The following MYT1L variants were observed in gnomAD, a reference collection of about 807,000 sequenced individuals.
MYT1L encodes the protein myelin transcription factor 1-like protein.
MYT1L carries 12 observed loss-of-function variants against 126.7 expected under a neutral mutation model. That is an observed-to-expected ratio of 0.09 (90% CI 0.06 to 0.15). The LOEUF (loss-of-function observed/expected upper bound fraction) is 0.15. MYT1L is among the 10% of genes least tolerant of loss of function. The probability of loss-of-function intolerance (pLI) is 1.00; values close to 1 mark genes in which losing one functional copy is unlikely to be tolerated. For synonymous variants in MYT1L, 541 were observed against 604.2 expected (o/e 0.90, Z 1.53); for missense variants, 979 against 1,585.2 (o/e 0.62, Z 6.49).
At chr2:1,859,593 A>G (rs2044319215) in intron 18 of MYT1L, among the ~76,000 whole-genome samples, 1 of 152,224 alleles carries the variant, frequency 6.6e-6, no homozygotes, top group Non-Finnish European at 1.5e-5. Context: ...TATTAGTTGT[A>G]TGATGCCCAA....
intron 3 of MYT1L, among the ~76,000 whole-genome samples, chr2:2,079,769 G>A (rs999145196): frequency 2.6e-5 from 4 of 151,242 alleles, no homozygotes; most frequent in Non-Finnish European, 4.4e-5. Flanking sequence ...CCGAGATTGC[G>A]CCACTGCACT....
At chr2:2,276,977 T>TG in intron 2 of MYT1L, among the ~76,000 whole-genome samples, 1 of 151,500 alleles carries the variant, frequency 6.6e-6, no homozygotes, top group East Asian at 2.0e-4. Flanking sequence ...ATTGATTCTT[T>TG]TTTTTTCTCT....
chr2:2,217,685 C>CAAAAAAAAAAAAAAAAAAAAAAAAAAA, intron 2 of MYT1L, among the ~76,000 whole-genome samples: 1 of 79,634 alleles, frequency 1.3e-5, no homozygotes, highest in Admixed American at 1.1e-4. Flanking sequence ...ACAACAACAA[C>CAAAAAAAAAAAAAAAAAAAAAAAAAAA]AACAACAACA....
At chr2:2,026,684 G>A (rs1023063210) in intron 4 of MYT1L, among the ~76,000 whole-genome samples, 38 of 152,224 alleles carry the variant, frequency 2.5e-4, no homozygotes, top group Admixed American at 2.3e-3. Flanking sequence ...GCCTCTGCCT[G>A]CCTCCCCGAG....
chr2:2,118,539 C>T (rs2080526839), intron 3 of MYT1L, among the ~76,000 whole-genome samples: 1 of 152,110 alleles, frequency 6.6e-6, no homozygotes, highest in Non-Finnish European at 1.5e-5. Flanking sequence ...ACAAGGATGC[C>T]TGTTACAAAC....
At chr2:2,197,091 A>G (rs1350231339) in intron 2 of MYT1L, among the ~76,000 whole-genome samples, 1 of 152,182 alleles carries the variant, frequency 6.6e-6, no homozygotes, top group Non-Finnish European at 1.5e-5. Context: ...GCTATTATGA[A>G]TTTTTGAATG....
chr2:1,866,209 T>C (rs1395048176), intron 18 of MYT1L, among the ~76,000 whole-genome samples: 1 of 152,094 alleles, frequency 6.6e-6, no homozygotes, highest in Non-Finnish European at 1.5e-5. Flanking sequence ...AGGGGATCTT[T>C]TTTATAAAAA....
At chr2:2,047,744 A>C (rs777296882) in intron 4 of MYT1L, among the ~76,000 whole-genome samples, 5 of 152,236 alleles carry the variant, frequency 3.3e-5, no homozygotes, top group Non-Finnish European at 7.3e-5. Flanking sequence ...TTTAAATAGG[A>C]TATGCTTCTC....
intron 3 of MYT1L, among the ~76,000 whole-genome samples, chr2:2,133,684 G>A (rs918037508): frequency 1.1e-4 from 16 of 152,046 alleles, no homozygotes; most frequent in Admixed American, 7.2e-4. Context: ...GCTGCTTTCT[G>A]AATGGTCCCT....
At chr2:1,799,110 A>G (rs2034355046) in intron 23 of MYT1L, among the ~76,000 whole-genome samples, 1 of 152,190 alleles carries the variant, frequency 6.6e-6, no homozygotes, top group African/African-American at 2.4e-5. Flanking sequence ...AGGAAGGTCC[A>G]TCCCTGGGCA....
intron 8 of MYT1L, among the ~76,000 whole-genome samples, chr2:1,961,515 C>T (rs1431025483): frequency 1.3e-5 from 2 of 152,192 alleles, no homozygotes; most frequent in Non-Finnish European, 2.9e-5. Context: ...CTGACAGCAC[C>T]TTTGCCTGGC....
chr2:1,918,961 A>C (rs2053208430), intron 10 of MYT1L, among the ~76,000 whole-genome samples: 1 of 152,234 alleles, frequency 6.6e-6, no homozygotes, highest in Admixed American at 6.5e-5. Flanking sequence ...ATAAAGTAGT[A>C]AGTGCACAGT....
At chr2:2,323,455 T>C (rs2096203978) in intron 1 of MYT1L, among the ~76,000 whole-genome samples, 1 of 152,184 alleles carries the variant, frequency 6.6e-6, no homozygotes, top group Non-Finnish European at 1.5e-5. Flanking sequence ...TTAGGTCAGT[T>C]AAAATGAAAA....
rs115007333 is a variant in MYT1L, at chr2:1,822,486, C to T, written c.3081-13319G>A. Among the ~76,000 whole-genome samples, 1,282 of 152,282 alleles carry T rather than the reference C, an allele frequency of 8.4e-3. 27 individuals are homozygous for T. The highest frequency in any genetic ancestry group is 0.029 in the African/African-American group (1,225 of 41,552). ...GTGTGTCCACTGTCAGCCCCTCTTC[C>T]CCAGGGATGCTCCTGCGTGCTCAGC... On this transcript the variant is annotated intron_variant, in intron 21 of 24. Transcript: ENST00000647738.
chr2:1,906,075 C>T (rs574131545), intron 13 of MYT1L, among the ~76,000 whole-genome samples: 1 of 152,168 alleles, frequency 6.6e-6, no homozygotes, highest in African/African-American at 2.4e-5. Context: ...TTATATTTTG[C>T]TTTTTTATGA....
chr2:1,943,170 T>C lies in MYT1L; in HGVS notation c.317A>G (p.Glu106Gly), dbSNP rs1411503507. The change falls in exon 9 of 25, where the codon GAG becomes GGG. Residue 106 changes from glutamate to glycine, a missense_variant. Glu to Gly is a moderately conservative substitution (Grantham distance 98, BLOSUM62 -2). This residue lies in a region of MYT1L where 111 missense variants were observed against 115.9 expected (regional missense o/e 0.96). Coordinates refer to ENST00000647738, the MANE Select transcript of MYT1L (RefSeq NM_001303052.2). The surrounding 1 kb of genome is among the most constrained non-coding windows in gnomAD (Gnocchi z 4.4). ...TEDMDEKEED[E>G]GEEYSEDNDE... ...ATTGTCCTCGGAGTACTCCTCCCCCTCATCCTCCTCCTTCTCATCCATGTC... is the reference window on the plus strand; with the variant it reads ...ATTGTCCTCGGAGTACTCCTCCCCCCCATCCTCCTCCTTCTCATCCATGTC... The C allele has an allele frequency of 6.5e-7, 1 of 1,547,930 alleles. No individual in the cohort carries two copies. The highest frequency in any genetic ancestry group is 2.0e-5 in the Admixed American group (1 of 50,858).
intron 2 of MYT1L, among the ~76,000 whole-genome samples, chr2:2,175,386 G>C (rs1023575386): frequency 3.9e-5 from 6 of 152,052 alleles, no homozygotes; most frequent in Non-Finnish European, 8.8e-5. Flanking sequence ...CAGTGCCTGT[G>C]CCTGTCTGGT....
chr2:2,183,861 G>GGAAGGAAGGAGAGGAGGGAAGA lies in MYT1L; in HGVS notation c.-420-10874_-420-10873insTCTTCCCTCCTCTCCTTCCTTC, dbSNP rs1559261813. Among the ~76,000 whole-genome samples the GGAAGGAAGGAGAGGAGGGAAGA allele has an allele frequency of 1.5e-3, 203 of 139,482 alleles. 4 individuals carry two copies. Among genetic ancestry groups the GGAAGGAAGGAGAGGAGGGAAGA allele is most frequent in the African/African-American group, 5.2e-3 (189 of 36,210 alleles). 91.5% of individuals were successfully genotyped at this position (139,482 alleles called of 152,430 possible). A position where few individuals can be genotyped will look rare whatever the true frequency, so the allele number is the denominator to read the frequency against. ...GAAGGAAGGAAGGAGAGGAGGGAAGGAAAAAGGAAGGAAGGAAGGAGAGAG... is the reference window on the plus strand; with the variant it reads ...GAAGGAAGGAAGGAGAGGAGGGAAGGGAAGGAAGGAGAGGAGGGAAGAAAAAAGGAAGGAAGGAAGGAGAGAG... On this transcript the variant is annotated intron_variant, in intron 2 of 24. Coordinates refer to ENST00000647738, the MANE Select transcript of MYT1L (RefSeq NM_001303052.2).
At chr2:2,270,735 A>G (rs773276869) in intron 2 of MYT1L, among the ~76,000 whole-genome samples, 3 of 152,130 alleles carry the variant, frequency 2.0e-5, no homozygotes, top group African/African-American at 4.8e-5. Context: ...TAAAGAAAGT[A>G]CAGCACAGTC....
Sources: allele counts gnomAD v4.1 joint callset (sites outside exome capture counted in the v4.1 genomes callset), GRCh38; gene constraint gnomAD v4.1.1; regional missense constraint gnomAD v4.1.1; non-coding constraint Gnocchi (gnomAD v3.1); transcripts MANE v1.5; gene names NCBI Gene and HGNC (gene_info 2026-07-23, HGNC 2026-07-21).